Variants in PREX2 observed in about 807,000 individuals in gnomAD.
PREX2 encodes phosphatidylinositol-3,4,5-trisphosphate dependent Rac exchange factor 2.
PREX2 carries 107 observed loss-of-function variants against 203.2 expected under a neutral mutation model. The ratio of observed to expected loss-of-function variants is 0.53; its 90% CI spans 0.45 to 0.62. The LOEUF is 0.62. Ranked by LOEUF, PREX2 falls within the 20% of genes least tolerant of loss-of-function variation. The pLI, the probability that PREX2 is intolerant of heterozygous loss-of-function variation, is 0.00. For missense variants in PREX2, 1,777 were observed against 1,955.9 expected (o/e 0.91, Z 1.72); for synonymous variants, 672 against 663.6 (o/e 1.01, Z -0.19).
intron 37 of PREX2, among the ~76,000 whole-genome samples, chr8:68,212,744 C>T (rs1052831541): frequency 1.3e-5 from 2 of 152,164 alleles, no homozygotes; most frequent in Non-Finnish European, 2.9e-5. Context: ...TGTCTCTTCT[C>T]TAGCATGGAT....
At chr8:68,218,242 G>A (rs1812883612) in intron 38 of PREX2, among the ~76,000 whole-genome samples, 1 of 152,004 alleles carries the variant, frequency 6.6e-6, no homozygotes, top group African/African-American at 2.4e-5. Flanking sequence ...ACTGTCTTCG[G>A]GTCACTGGAG....
chr8:68,185,117 G>A (rs1381870506), intron 35 of PREX2, among the ~76,000 whole-genome samples: 1 of 152,022 alleles, frequency 6.6e-6, no homozygotes, highest in East Asian at 1.9e-4. Context: ...TTCCTTTTTA[G>A]GGTCTCTCGC....
At chr8:68,027,479 A>G (rs932596531) in intron 5 of PREX2, among the ~76,000 whole-genome samples, 156 bp downstream of exon 5, 31 of 152,132 alleles carry the variant, frequency 2.0e-4, no homozygotes, top group Admixed American at 1.4e-3. Flanking sequence ...AAATTTATAT[A>G]TAGTGTAGGA....
intron 11 of PREX2, among the ~76,000 whole-genome samples, chr8:68,064,636 C>G (rs1808963431): frequency 6.6e-6 from 1 of 152,074 alleles, no homozygotes; most frequent in Non-Finnish European, 1.5e-5. Flanking sequence ...CCTCAACCTC[C>G]CAAAGTGCTG....
At chr8:67,952,591 C>A in intron 1 of PREX2, 56 bp downstream of exon 1, 1 of 1,576,686 alleles carries the variant, frequency 6.3e-7, no homozygotes, top group Non-Finnish European at 8.6e-7. Context: ...GCGCGGGTCC[C>A]GGAGTGGCTG....
rs191746960 is a variant in PREX2, at chr8:68,099,565, T to A, written c.2554-117T>A. 1.3e-4 allele frequency: 125 copies of A among 994,072 alleles called. No individual in the cohort carries two copies. In the East Asian group the frequency reaches 3.2e-3, roughly 25 times the overall value. 61.6% of individuals were successfully genotyped at this position (994,072 alleles called of 1,614,324 possible). A position where few individuals can be genotyped will look rare whatever the true frequency, so the allele number is the denominator to read the frequency against. On this transcript the variant is annotated intron_variant, in intron 22 of 39. Coordinates refer to ENST00000288368, the MANE Select transcript of PREX2 (RefSeq NM_024870.4). Reference sequence around the variant, plus strand: ...AAGTTGCCCTGTATTGTTAACTTAATGAAAATTTGATATGGCTACTTTTGA... The same window carrying A: ...AAGTTGCCCTGTATTGTTAACTTAAAGAAAATTTGATATGGCTACTTTTGA...
intron 1 of PREX2, among the ~76,000 whole-genome samples, chr8:67,955,104 A>G (rs1585650220): frequency 1.5e-5 from 2 of 137,704 alleles, no homozygotes. Context: ...AGATAATGCC[A>G]CTGCACTCCA....
At chr8:68,156,736 G>T (rs1271588510) in intron 34 of PREX2, among the ~76,000 whole-genome samples, 1 of 152,144 alleles carries the variant, frequency 6.6e-6, no homozygotes, top group Non-Finnish European at 1.5e-5. Context: ...GGAAGGCCCA[G>T]TTATGGGGAG....
rs911053552 is a variant in PREX2 at position 68,202,136 on chromosome 8, G to T, written c.4604+9611G>T. On this transcript the variant is annotated intron_variant, in intron 37 of 39. Transcript: ENST00000288368. ...AGACGGGTCTTGAACTCCTGAACTC[G>T]TGATCCACCCACCTCGGCCTCCCAA... Among the ~76,000 whole-genome samples, 3 of 151,956 alleles carry T rather than the reference G, an allele frequency of 2.0e-5. No homozygotes were observed. The East Asian group carries it at 5.8e-4, about 29-fold the overall frequency.
At chr8:68,063,500 C>T (rs185848223) in intron 11 of PREX2, among the ~76,000 whole-genome samples, 2 of 152,232 alleles carry the variant, frequency 1.3e-5, no homozygotes, top group East Asian at 3.9e-4. Context: ...ATGAGGAGAG[C>T]ACCATCACTC....
At chr8:68,158,830 G>A (rs1191965788) in intron 35 of PREX2, among the ~76,000 whole-genome samples, 1 of 152,018 alleles carries the variant, frequency 6.6e-6, no homozygotes, top group Non-Finnish European at 1.5e-5. Context: ...CTTCTTAACA[G>A]CATTGATGAT....
At chr8:68,219,553 C>T (rs1812913436) in intron 38 of PREX2, among the ~76,000 whole-genome samples, 1 of 152,026 alleles carries the variant, frequency 6.6e-6, no homozygotes. Context: ...AAAATGAATA[C>T]ATTTGGAATA....
chr8:68,031,087 A>C (rs1807869984), intron 6 of PREX2, among the ~76,000 whole-genome samples: 1 of 152,114 alleles, frequency 6.6e-6, no homozygotes, highest in South Asian at 2.1e-4. Flanking sequence ...TGATTTCTTC[A>C]TTTATAAACT....
intron 8 of PREX2, among the ~76,000 whole-genome samples, chr8:68,048,523 A>T (rs914097503): frequency 1.4e-4 from 22 of 152,184 alleles, no homozygotes; most frequent in African/African-American, 5.1e-4. Context: ...TCAATTAAAA[A>T]AATTTAGCTC....
intron 37 of PREX2, among the ~76,000 whole-genome samples, chr8:68,216,605 C>T (rs1812842726): frequency 6.6e-6 from 1 of 151,818 alleles, no homozygotes; most frequent in African/African-American, 2.4e-5. Flanking sequence ...AAAATGTTAA[C>T]AAATAAACAT....
chr8:68,180,459 A>G (rs749912787), intron 35 of PREX2, among the ~76,000 whole-genome samples: 5 of 152,118 alleles, frequency 3.3e-5, no homozygotes, highest in Non-Finnish European at 7.4e-5. Flanking sequence ...AAGTGAATAC[A>G]CAAATCTGGA....
At chr8:68,037,298 T>C (rs1282770412) in intron 6 of PREX2, among the ~76,000 whole-genome samples, 1 of 152,168 alleles carries the variant, frequency 6.6e-6, no homozygotes, top group African/African-American at 2.4e-5. Context: ...ATGGAAAACG[T>C]CCTTTTTCAT....
intron 8 of PREX2, among the ~76,000 whole-genome samples, chr8:68,048,686 A>T (rs1306446151): frequency 6.6e-6 from 1 of 152,120 alleles, no homozygotes; most frequent in Non-Finnish European, 1.5e-5. Flanking sequence ...AGGCAAACAC[A>T]TAAGACTATA....
At chr8:68,010,102 C>G (rs761567086) in intron 1 of PREX2, among the ~76,000 whole-genome samples, 1 of 152,180 alleles carries the variant, frequency 6.6e-6, no homozygotes, top group Non-Finnish European at 1.5e-5. Context: ...AGAGTTTGAT[C>G]CTCAATAAAC....
Sources: gnomAD v4.1 joint callset for allele counts (sites outside exome capture counted in the v4.1 genomes callset) on GRCh38, gnomAD v4.1.1 for gene constraint, MANE v1.5 for transcripts, NCBI Gene and HGNC (gene_info 2026-07-23, HGNC 2026-07-21) for gene names.